Variants in CPEB1 observed in about 807,000 individuals in gnomAD.
CPEB1 encodes cytoplasmic polyadenylation element-binding protein 1.
In CPEB1, 7 loss-of-function variants were observed where a neutral mutation model predicts 65.8. The ratio of observed to expected loss-of-function variants is 0.11; its 90% CI spans 0.06 to 0.20. CPEB1 has a LOEUF of 0.20. Among genes scored for constraint, CPEB1 ranks in the 10% least tolerant of loss-of-function variants. The probability of loss-of-function intolerance (pLI) is 1.00; values close to 1 mark genes in which losing one functional copy is unlikely to be tolerated. For missense variants in CPEB1, 551 were observed against 712.2 expected (o/e 0.77, Z 2.58); for synonymous variants, 262 against 260.0 (o/e 1.01, Z -0.08).
intron 3 of CPEB1, among the ~76,000 whole-genome samples, chr15:82,586,382 A>C (rs1473984148): frequency 6.6e-6 from 1 of 152,192 alleles, no homozygotes; most frequent in African/African-American, 2.4e-5. Context: ...AATACCCTAA[A>C]AGAAAGAATA....
At chr15:82,629,896 A>G in intron 1 of CPEB1, 1 of 985,436 alleles carries the variant, frequency 1.0e-6, no homozygotes, top group Non-Finnish European at 1.2e-6. Flanking sequence ...GCCTCACGTC[A>G]GCCTCAAGTT....
intron 10 of CPEB1, 51 bp from the exon 11 acceptor site, chr15:82,547,288 ACTTTT>A (rs1421769981): frequency 7.8e-6 from 5 of 642,730 alleles, no homozygotes; most frequent in African/African-American, 2.7e-5. Context: ...CCCAAATGCT[ACTTTT>A]TTTTTTTTTT....
chr15:82,576,717 A>G (rs1596053065), intron 3 of CPEB1, among the ~76,000 whole-genome samples: 1 of 152,186 alleles, frequency 6.6e-6, no homozygotes, highest in East Asian at 1.9e-4. Flanking sequence ...GAACTAATTG[A>G]TTTGACAATA....
upstream of CPEB1, chr15:82,648,767 G>C (rs587637157): frequency 6.6e-6 from 1 of 152,496 alleles, no homozygotes; most frequent in East Asian, 1.9e-4. Context: ...CCAGGACTGA[G>C]GATGATGCGA....
At chr15:82,568,733 G>A (rs1220276979) in intron 4 of CPEB1, among the ~76,000 whole-genome samples, 1 of 152,180 alleles carries the variant, frequency 6.6e-6, no homozygotes, top group Non-Finnish European at 1.5e-5. Flanking sequence ...CATAGCAGAT[G>A]CAGCACTCGG....
rs879746117 is a variant in CPEB1 at position 82,610,756 on chromosome 15, G to C, written c.271+16437C>G. 3.3e-5 allele frequency among the ~76,000 whole-genome samples: 5 copies of C among 151,432 alleles called. No individual in the cohort carries two copies. In the South Asian group the frequency reaches 6.3e-4, roughly 19 times the overall value. ...GTGGATCACCTGAGGTCAGGAGTTGGAGTCCAGGCTGACCAACATCATGAA... is the reference window on the plus strand; with the variant it reads ...GTGGATCACCTGAGGTCAGGAGTTGCAGTCCAGGCTGACCAACATCATGAA... On this transcript the variant is annotated intron_variant, in intron 3 of 12. Coordinates refer to ENST00000684509, the MANE Select transcript of CPEB1 (RefSeq NM_001365242.1).
At chr15:82,604,887 T>A (rs1331248140) in intron 3 of CPEB1, among the ~76,000 whole-genome samples, 3 of 152,092 alleles carry the variant, frequency 2.0e-5, no homozygotes, top group Non-Finnish European at 4.4e-5. Flanking sequence ...TTAATCTACA[T>A]ATTCAAAAAA....
intron 3 of CPEB1, among the ~76,000 whole-genome samples, chr15:82,578,184 T>C (rs1410386215): frequency 6.6e-6 from 1 of 152,164 alleles, no homozygotes; most frequent in African/African-American, 2.4e-5. Flanking sequence ...AAAGCATTAT[T>C]GGTATAGTTA....
At chr15:82,556,540 A>G (rs1567174829) in intron 5 of CPEB1, 1 of 162,918 alleles carries the variant, frequency 6.1e-6, no homozygotes, top group Admixed American at 6.5e-5. Flanking sequence ...TATCTATGAG[A>G]GCTCTGCATT....
chr15:82,634,184 G>GTT (rs34681847), intron 1 of CPEB1, among the ~76,000 whole-genome samples: 12,498 of 146,638 alleles, frequency 0.085, 950 homozygotes, highest in African/African-American at 0.2. Flanking sequence ...CATATAACTG[G>GTT]TTTTTTTTTT....
intron 3 of CPEB1, among the ~76,000 whole-genome samples, chr15:82,588,262 T>C (rs2041957950): frequency 6.6e-6 from 1 of 152,120 alleles, no homozygotes; most frequent in Non-Finnish European, 1.5e-5. Flanking sequence ...GTTTTCTTAA[T>C]GTGGAAGTTC....
At chr15:82,566,140 C>G (rs748346076) in intron 4 of CPEB1, among the ~76,000 whole-genome samples, 2 of 152,144 alleles carry the variant, frequency 1.3e-5, no homozygotes, top group Non-Finnish European at 2.9e-5. Flanking sequence ...ACAAAGGCAC[C>G]TGGAGTGTGA....
intron 3 of CPEB1, among the ~76,000 whole-genome samples, chr15:82,605,059 C>T (rs543682651): frequency 1.3e-5 from 2 of 152,174 alleles, no homozygotes; most frequent in African/African-American, 4.8e-5. Context: ...GATTTCTTAC[C>T]AGAAATTGTG....
chr15:82,581,972 C>T (rs542692960), intron 3 of CPEB1, among the ~76,000 whole-genome samples: 27 of 152,152 alleles, frequency 1.8e-4, no homozygotes, highest in Admixed American at 1.3e-4. Context: ...GGTATCTTTC[C>T]TTGAGATTTT....
At chr15:82,575,990 G>T (rs970278634) in intron 3 of CPEB1, among the ~76,000 whole-genome samples, 2 of 152,166 alleles carry the variant, frequency 1.3e-5, no homozygotes, top group African/African-American at 4.8e-5. Context: ...ATTCAACTAA[G>T]AGGAGTAAAA....
At chr15:82,549,437 G>C (rs373694555) in intron 10 of CPEB1, 23 bp downstream of exon 10, 1 of 1,613,750 alleles carries the variant, frequency 6.2e-7, no homozygotes, top group African/African-American at 1.3e-5. Context: ...CCAAGCTTTC[G>C]CACACAGAAG....
intron 3 of CPEB1, among the ~76,000 whole-genome samples, chr15:82,572,394 CAG>C (rs2040165701): frequency 6.6e-6 from 1 of 152,150 alleles, no homozygotes; most frequent in Non-Finnish European, 1.5e-5. Context: ...TAAGCGTTGG[CAG>C]AGTGGGGGAG....
chr15:82,626,793 T>C (rs886524105), intron 3 of CPEB1, among the ~76,000 whole-genome samples: 6 of 152,242 alleles, frequency 3.9e-5, no homozygotes, highest in African/African-American at 1.4e-4. Context: ...AAAAAAAATC[T>C]CATTAATAGT....
chr15:82,626,736 G>C (rs1278389367), intron 3 of CPEB1, among the ~76,000 whole-genome samples: 2 of 152,116 alleles, frequency 1.3e-5, no homozygotes, highest in Admixed American at 6.5e-5. Context: ...TCCATGTTGA[G>C]ATATGCTTGT....
Sources: allele counts gnomAD v4.1 joint callset (sites outside exome capture counted in the v4.1 genomes callset), GRCh38; gene constraint gnomAD v4.1.1; transcripts MANE v1.5; gene names NCBI Gene and HGNC (gene_info 2026-07-23, HGNC 2026-07-21).